The following CHD4 variants were observed in gnomAD, a reference collection of about 807,000 sequenced individuals.
The protein encoded by CHD4 is chromodomain helicase DNA binding protein 4.
CHD4 carries 35 observed loss-of-function variants against 235.5 expected under a neutral mutation model. That is an observed-to-expected ratio of 0.15 (90% CI 0.11 to 0.20). The LOEUF (loss-of-function observed/expected upper bound fraction) is 0.20. Among genes scored for constraint, CHD4 ranks in the 10% least tolerant of loss-of-function variants. The pLI is 1.00. For missense variants in CHD4, 1,329 were observed against 2,432.3 expected (o/e 0.55, Z 9.54); for synonymous variants, 900 against 850.2 (o/e 1.06, Z -1.02).
rs1399566098 is a variant in CHD4, at chr12:6,596,129, T to C, written c.1901A>G (p.Lys634Arg). Reference protein sequence around the residue: ...IHRILNHSVDKKGHVHYLIKW... With the variant: ...IHRILNHSVDRKGHVHYLIKW... Reference sequence around the variant, plus strand: ...GATCAAGTAGTGGACGTGGCCCTTCTTGTCCACACTGCAAGTCCAGGAGAG... The same window carrying C: ...GATCAAGTAGTGGACGTGGCCCTTCCTGTCCACACTGCAAGTCCAGGAGAG... Residue 634 changes from lysine to arginine, a missense_variant, in exon 13 of 40, where the codon AAG (lysine) becomes AGG (arginine). Physicochemically the swap from Lys to Arg is conservative, Grantham distance 26. This residue lies in a region of CHD4 where 121 missense variants were observed against 177.8 expected (regional missense o/e 0.68). Transcript: ENST00000544040. The C allele has an allele frequency of 2.5e-6, 4 of 1,613,580 alleles. No homozygotes were observed. Among genetic ancestry groups the C allele is most frequent in the East Asian group, 4.5e-5 (2 of 44,878 alleles).
Position 6,594,709 on chromosome 12 carries a change from G to A in CHD4, c.2122-59C>T, listed in dbSNP as rs1012393970. 1.1e-5 allele frequency: 17 copies of A among 1,487,678 alleles called. No homozygotes were observed. The African/African-American group carries it at 2.2e-4, about 20-fold the overall frequency. 92.2% of individuals were successfully genotyped at this position (1,487,678 alleles called of 1,614,324 possible). On this transcript the variant is annotated intron_variant, in intron 14 of 39. Coordinates refer to ENST00000544040, the MANE Select transcript of CHD4 (RefSeq NM_001273.5). ...AAGGAACTCCCCTCCTCCCCTAATA[G>A]AGCAGCTGCTTCCTCCTCACTAGTC...
chr12:6,596,971 A>T (rs558315042), intron 12 of CHD4, among the ~76,000 whole-genome samples: 14 of 150,316 alleles, frequency 9.3e-5, no homozygotes, highest in East Asian at 4.0e-4. Context: ...AAAATATAAT[A>T]AATAAATAAA....
chr12:6,602,039 A>G lies in CHD4; in HGVS notation c.359T>C (p.Leu120Pro). 1 of 1,612,580 alleles carries G rather than the reference A, an allele frequency of 6.2e-7. No homozygotes were observed. The highest frequency in any genetic ancestry group is 1.7e-4 in the Middle Eastern group (1 of 6,058). ...GCTCTTCTTCTCTTTCTTAGGTCCA[A>G]GCTTCTTCTTCTTCTTCTTGCCAGG... The part of the protein sequence containing the change: ...YTPGKKKKKK[L>P]GPKKEKKSKS... The change falls in exon 4 of 40, where the codon CTT becomes CCT. Residue 120 changes from leucine (L) to proline (P), a missense_variant. By Grantham distance (98) the Leu-to-Pro change is moderately conservative. Around this residue, in one of 26 missense-constraint regions of CHD4, gnomAD observed 213 missense variants for 177.5 expected, o/e 1.20. Transcript: ENST00000544040.
At chr12:6,606,975 G>C (rs1398057287) in intron 1 of CHD4, 1 of 151,126 alleles carries the variant, frequency 6.6e-6, no homozygotes, top group African/African-American at 2.4e-5. Flanking sequence ...GGACGCGGGG[G>C]GCGAAAGCGT....
In CHD4 at chr12:6,593,353, G is replaced by T; in HGVS notation, c.2514+63C>A. ...TGCCTCACCAGGGACCAGATCACAAGGAGGTAAACTAAGCCAGAAGCCACA... is the reference window on the plus strand; with the variant it reads ...TGCCTCACCAGGGACCAGATCACAATGAGGTAAACTAAGCCAGAAGCCACA... On this transcript the variant is annotated intron_variant, in intron 16 of 39. Coordinates refer to ENST00000544040, the MANE Select transcript of CHD4 (RefSeq NM_001273.5). This position sits in a 1 kb window ranked among gnomAD's most constrained non-coding sequence, Gnocchi z 4.9. 1.3e-6 allele frequency: 2 copies of T among 1,599,912 alleles called. No homozygotes were observed. The highest frequency in any genetic ancestry group is 8.6e-7 in the Non-Finnish European group (1 of 1,168,776).
chr12:6,576,216 G>C (rs986807427), intron 37 of CHD4, among the ~76,000 whole-genome samples: 4 of 152,116 alleles, frequency 2.6e-5, no homozygotes, highest in African/African-American at 9.7e-5. Flanking sequence ...AATTAGCTGG[G>C]CGTGGTGGCA....
chr12:6,593,261 C>T lies in CHD4; in HGVS notation c.2515-33G>A. On this transcript the variant is annotated intron_variant, in intron 16 of 39. Transcript: ENST00000544040. The surrounding 1 kb of genome is among the most constrained non-coding windows in gnomAD (Gnocchi z 4.9). ...TGAAGGCAACTTGGTCACTACTAGT[C>T]AGTTCCTCTGTGTAAGCACAACCAG... 1.2e-6 allele frequency: 2 copies of T among 1,613,574 alleles called. No individual in the cohort carries two copies. The highest frequency in any genetic ancestry group is 1.7e-6 in the Non-Finnish European group (2 of 1,179,856).
At position 6,591,931 on chromosome 12, in the gene CHD4, G is replaced by C; in HGVS notation, c.3075C>G (p.Phe1025Leu). ...CACTACATACCATTGCAGCCACAGGGAAGAGGTATGGATGGTTGCAGCACT... is the reference window on the plus strand; with the variant it reads ...CACTACATACCATTGCAGCCACAGGCAAGAGGTATGGATGGTTGCAGCACT... ...LKKCCNHPYL[F>L]PVAAMEAPKM... Residue 1025 changes from phenylalanine to leucine, a missense_variant, in exon 20 of 40, where the codon TTC becomes TTG. Phe to Leu is a conservative substitution (Grantham distance 22, BLOSUM62 0). Coordinates refer to ENST00000544040, the MANE Select transcript of CHD4 (RefSeq NM_001273.5). 6.2e-7 allele frequency: 1 copy of C among 1,614,232 alleles called. No individual in the cohort carries two copies. The highest frequency in any genetic ancestry group is 8.5e-7 in the Non-Finnish European group (1 of 1,180,044).
intron 6 of CHD4, 52 bp downstream of exon 6, chr12:6,601,237 A>G: frequency 1.3e-6 from 2 of 1,595,262 alleles, no homozygotes; most frequent in Admixed American, 3.4e-5. Context: ...GCTGTCTTTG[A>G]CATCTTAAGC....
chr12:6,591,600 G>T lies in CHD4; in HGVS notation c.3223-17C>A. On this transcript the variant is annotated splice_polypyrimidine_tract_variant and intron_variant, in intron 21 of 39. Transcript: ENST00000544040. ...CTTGGTCATCTGCAAAAGAAGCACG[G>T]TTTAATTATGGAAGAGTCAGATGGT... 1 of 1,613,824 alleles carries T rather than the reference G, an allele frequency of 6.2e-7. No individual in the cohort carries two copies.
rs1947935283 is a variant in CHD4 at position 6,570,198 on chromosome 12, G to A, written c.*478C>T. 1 of 157,654 alleles carries A rather than the reference G, an allele frequency of 6.3e-6. No individual in the cohort carries two copies. 9.8% of individuals were successfully genotyped at this position (157,654 alleles called of 1,614,324 possible). ...ACTTTATTTCATTTAGCCGCTCAGTGGCTAGAGCCGCTGGGTTCCTGGTAT... is the reference window on the plus strand; with the variant it reads ...ACTTTATTTCATTTAGCCGCTCAGTAGCTAGAGCCGCTGGGTTCCTGGTAT... On this transcript the variant is annotated 3_prime_UTR_variant, in exon 40 of 40. Transcript: ENST00000544040.
At chr12:6,595,887 G>T in intron 13 of CHD4, 119 bp downstream of exon 13, 1 of 1,118,076 alleles carries the variant, frequency 8.9e-7, no homozygotes, top group Non-Finnish European at 1.2e-6. Flanking sequence ...GAACCAGGAA[G>T]TCGGAGGTTG....
rs1348507173 is a variant in CHD4, at chr12:6,591,544, G to C, written c.3262C>G (p.His1088Asp). The C allele has an allele frequency of 6.2e-7, 1 of 1,614,120 alleles. No homozygotes were observed. The highest frequency in any genetic ancestry group is 8.5e-7 in the Non-Finnish European group (1 of 1,180,048). ...ATGCGTTCGTATTTATAACCTTCAT[G>C]TTCCAAGAAATCCTCTAGCAGGTCT... ...MLDLLEDFLEHEGYKYERIDG... is the reference protein window; with the variant it reads ...MLDLLEDFLEDEGYKYERIDG... The change falls in exon 22 of 40, where the codon CAT becomes GAT. Residue 1088 changes from histidine (H) to aspartate (D), a missense_variant. Coordinates refer to ENST00000544040, the MANE Select transcript of CHD4 (RefSeq NM_001273.5).
chr12:6,595,309 T>A lies in CHD4; in HGVS notation c.2121+25A>T, dbSNP rs763196929. The A allele has an allele frequency of 1.4e-5, 22 of 1,596,406 alleles. No homozygotes were observed. The South Asian group carries it at 2.3e-4, about 17-fold the overall frequency. On this transcript the variant is annotated intron_variant, in intron 14 of 39. Transcript: ENST00000544040. The stretch of plus-strand genomic sequence containing the variant: ...AGATACATTGTCCTACCCAACAAAC[T>A]ACAGTCCCTTCCACCCCCACTCACA...
chr12:6,588,801 T>C (rs539054337), intron 22 of CHD4, among the ~76,000 whole-genome samples: 10 of 149,908 alleles, frequency 6.7e-5, no homozygotes, highest in Admixed American at 2.6e-4. Context: ...AAAATTTAGC[T>C]GGGAATGGTG....
chr12:6,583,006 CA>C lies in CHD4; in HGVS notation c.4147+20del. ...AACAAAGCAACATTTAGAAAAGCAA[CA>C]AAAAAAGCACAGCCCTCACCTTCTG... On this transcript the variant is annotated intron_variant, in intron 27 of 39. Coordinates refer to ENST00000544040, the MANE Select transcript of CHD4 (RefSeq NM_001273.5). 1 of 1,582,124 alleles carries C rather than the reference CA, an allele frequency of 6.3e-7. No individual in the cohort carries two copies.
rs1261050819 is a variant in CHD4 at position 6,594,700 on chromosome 12, C to G, written c.2122-50G>C. The G allele has an allele frequency of 5.2e-6, 8 of 1,530,312 alleles. No individual in the cohort carries two copies. In the Admixed American group the frequency reaches 7.4e-5, roughly 14 times the overall value. The allele number at this position is 1,530,312 out of a possible 1,614,324, so 94.8% of individuals were successfully genotyped here. ...AGAGCTGGCAAGGAACTCCCCTCCT[C>G]CCCTAATAGAGCAGCTGCTTCCTCC... On this transcript the variant is annotated intron_variant, in intron 14 of 39. Transcript: ENST00000544040.
At chr12:6,576,325 C>T (rs1948070337) in intron 37 of CHD4, among the ~76,000 whole-genome samples, 1 of 152,152 alleles carries the variant, frequency 6.6e-6, no homozygotes, top group Non-Finnish European at 1.5e-5. Flanking sequence ...CCACTGCACT[C>T]CAGCCTGGCA....
At chr12:6,583,953 T>C (rs1381138877) in intron 25 of CHD4, 3 of 152,298 alleles carry the variant, frequency 2.0e-5, no homozygotes, top group East Asian at 3.9e-4. Context: ...ATCCCTTATA[T>C]TGGAATTAAA....
Sources: gnomAD v4.1 joint callset for allele counts (sites outside exome capture counted in the v4.1 genomes callset) on GRCh38, gnomAD v4.1.1 for gene constraint, gnomAD v4.1.1 regional missense constraint, Gnocchi (gnomAD v3.1) non-coding constraint, MANE v1.5 for transcripts, NCBI Gene and HGNC (gene_info 2026-07-23, HGNC 2026-07-21) for gene names.